Variants in MACROD2 observed in about 807,000 individuals in gnomAD.
MACROD2 encodes mono-ADP ribosylhydrolase 2, also known as ADP-ribose glycohydrolase MACROD2.
Under a neutral mutation model 70.4 loss-of-function variants are expected in MACROD2, and 36 were observed. The observed-to-expected ratio is 0.51, with a 90% confidence interval of 0.39 to 0.68. The LOEUF is 0.68. Ranked by LOEUF, MACROD2 falls within the 30% of genes least tolerant of loss-of-function variation. The pLI, the probability that MACROD2 is intolerant of heterozygous loss-of-function variation, is 0.00. For missense variants in MACROD2, 496 were observed against 538.4 expected (o/e 0.92, Z 0.78); for synonymous variants, 172 against 178.8 (o/e 0.96, Z 0.30).
chr20:14,927,420 C>G (rs775434676), intron 5 of MACROD2, among the ~76,000 whole-genome samples: 1 of 152,170 alleles, frequency 6.6e-6, no homozygotes, highest in Non-Finnish European at 1.5e-5. Context: ...CTATTACCCA[C>G]ATATTGTCAC....
chr20:15,157,281 C>T (rs752582482), intron 5 of MACROD2, among the ~76,000 whole-genome samples: 1 of 151,350 alleles, frequency 6.6e-6, no homozygotes, highest in African/African-American at 2.4e-5. Flanking sequence ...TGCATGCTCT[C>T]AGAGAGAAGG....
chr20:15,620,069 A>C (rs1415900223), intron 8 of MACROD2, among the ~76,000 whole-genome samples: 1 of 152,114 alleles, frequency 6.6e-6, no homozygotes, highest in Non-Finnish European at 1.5e-5. Flanking sequence ...GAAATGATGA[A>C]ATGATGGCAA....
chr20:14,180,305 A>G (rs1042256063), intron 3 of MACROD2, among the ~76,000 whole-genome samples: 1 of 151,940 alleles, frequency 6.6e-6, no homozygotes, highest in African/African-American at 2.4e-5. Context: ...TTTAATGCAG[A>G]GAGTGTGTTT....
At chr20:15,250,186 C>T (rs1315500151) in intron 6 of MACROD2, among the ~76,000 whole-genome samples, 1 of 152,098 alleles carries the variant, frequency 6.6e-6, no homozygotes, top group Admixed American at 6.6e-5. Flanking sequence ...TCCCCACCAC[C>T]TTCACCAGCC....
At chr20:15,320,563 G>A (rs961848631) in intron 6 of MACROD2, among the ~76,000 whole-genome samples, 10 of 152,122 alleles carry the variant, frequency 6.6e-5, no homozygotes, top group Non-Finnish European at 1.2e-4. Flanking sequence ...CATTTGATAA[G>A]TTAAGATATA....
At chr20:15,374,798 G>A (rs992733686) in intron 6 of MACROD2, among the ~76,000 whole-genome samples, 2 of 152,190 alleles carry the variant, frequency 1.3e-5, no homozygotes, top group African/African-American at 4.8e-5. Context: ...AACTGGCCAG[G>A]ATGTTCATTA....
intron 5 of MACROD2, among the ~76,000 whole-genome samples, chr20:14,985,530 C>T (rs2074840525): frequency 6.6e-6 from 1 of 152,062 alleles, no homozygotes; most frequent in African/African-American, 2.4e-5. Flanking sequence ...GCAGTGGACT[C>T]CTTATCAGGG....
At chr20:14,843,050 G>A (rs1365251159) in intron 5 of MACROD2, among the ~76,000 whole-genome samples, 2 of 151,908 alleles carry the variant, frequency 1.3e-5, no homozygotes, top group Non-Finnish European at 2.9e-5. Flanking sequence ...TGTCAATGTG[G>A]CTGTCTCTCC....
chr20:14,803,021 A>AT (rs1169075614), intron 5 of MACROD2, among the ~76,000 whole-genome samples: 1 of 152,010 alleles, frequency 6.6e-6, no homozygotes, highest in African/African-American at 2.4e-5. Flanking sequence ...GAATTTTTAC[A>AT]TATACTCAAT....
At chr20:15,858,158 A>T (rs1037318279) in intron 8 of MACROD2, among the ~76,000 whole-genome samples, 1 of 152,092 alleles carries the variant, frequency 6.6e-6, no homozygotes, top group Non-Finnish European at 1.5e-5. Context: ...CATGTTTTCT[A>T]TAAGTGAATG....
intron 8 of MACROD2, among the ~76,000 whole-genome samples, chr20:15,691,081 G>T (rs1273679384): frequency 1.3e-5 from 2 of 152,178 alleles, no homozygotes; most frequent in African/African-American, 4.8e-5. Context: ...AGGGAAAGTT[G>T]CTCTGACTTC....
intron 3 of MACROD2, among the ~76,000 whole-genome samples, chr20:14,179,476 AAATGT>A (rs2081289792): frequency 6.6e-6 from 1 of 152,204 alleles, no homozygotes; most frequent in African/African-American, 2.4e-5. Flanking sequence ...GTTAGCAGAT[AAATGT>A]ACTATTCTGT....
intron 13 of MACROD2, among the ~76,000 whole-genome samples, chr20:15,983,223 G>A (rs546687719): frequency 6.6e-6 from 1 of 152,274 alleles, no homozygotes; most frequent in South Asian, 2.1e-4. Flanking sequence ...GGTATTCCTT[G>A]TGGGGCTCCA....
At chr20:14,235,359 A>G (rs1458342210) in intron 3 of MACROD2, among the ~76,000 whole-genome samples, 18 of 152,194 alleles carry the variant, frequency 1.2e-4, no homozygotes, top group Admixed American at 1.2e-3. Context: ...ATACACACAC[A>G]TTCCCATTTT....
chr20:14,995,589 G>A (rs1289024968), intron 5 of MACROD2, among the ~76,000 whole-genome samples: 1 of 151,514 alleles, frequency 6.6e-6, no homozygotes, highest in African/African-American at 2.4e-5. Context: ...AATTTCAAGG[G>A]GCTAAATTTA....
chr20:15,494,976 A>G (rs1192237546), intron 7 of MACROD2, among the ~76,000 whole-genome samples: 1 of 152,196 alleles, frequency 6.6e-6, no homozygotes, highest in Non-Finnish European at 1.5e-5. Flanking sequence ...CTGGATACAC[A>G]CACATGCAAC....
intron 3 of MACROD2, among the ~76,000 whole-genome samples, chr20:14,257,776 T>C (rs1417933945): frequency 6.6e-6 from 1 of 152,164 alleles, no homozygotes; most frequent in Non-Finnish European, 1.5e-5. Flanking sequence ...GAACAGATGG[T>C]TTTTAGTCAC....
chr20:15,625,353 A>G (rs957544039), intron 8 of MACROD2, among the ~76,000 whole-genome samples: 1 of 152,224 alleles, frequency 6.6e-6, no homozygotes. Context: ...TGGTATTCAG[A>G]TACCTTGCTG....
At chr20:15,143,945 T>TAAA (rs3070269) in intron 5 of MACROD2, among the ~76,000 whole-genome samples, 49,525 of 131,592 alleles carry the variant, frequency 0.38, 9,994 homozygotes, top group East Asian at 0.62. Context: ...GCTGATGAGC[T>TAAA]AAAAAAAAAA....
Sources: allele counts gnomAD v4.1 joint callset (sites outside exome capture counted in the v4.1 genomes callset), GRCh38; gene constraint gnomAD v4.1.1; transcripts MANE v1.5; gene names NCBI Gene and HGNC (gene_info 2026-07-23, HGNC 2026-07-21).